MGAT4C: variants seen among roughly 807,000 people sequenced by gnomAD.
MGAT4C encodes alpha-1,3-mannosyl-glycoprotein 4-beta-N-acetylglucosaminyltransferase C.
MGAT4C carries 19 observed loss-of-function variants against 40.1 expected under a neutral mutation model. The ratio of observed to expected loss-of-function variants is 0.47; its 90% confidence interval spans 0.33 to 0.70. MGAT4C has a LOEUF of 0.70. Ranked by LOEUF, MGAT4C falls within the 30% of genes least tolerant of loss-of-function variation. The pLI is 0.02. For missense variants in MGAT4C, 491 were observed against 563.2 expected (o/e 0.87, Z 1.30); for synonymous variants, 181 against 187.1 (o/e 0.97, Z 0.27).
intron 2 of MGAT4C, among the ~76,000 whole-genome samples, chr12:86,511,810 G>A (rs1161098506): frequency 1.3e-5 from 2 of 152,080 alleles, no homozygotes; most frequent in African/African-American, 4.8e-5. Flanking sequence ...GACAAAAGTG[G>A]AAAGCTTCAT....
chr12:86,521,701 C>A (rs968048585), intron 2 of MGAT4C, among the ~76,000 whole-genome samples: 4 of 151,714 alleles, frequency 2.6e-5, no homozygotes, highest in African/African-American at 9.7e-5. Flanking sequence ...GGCAGTATGG[C>A]CATTTTAACA....
At chr12:86,213,051 A>G (rs77436932) in intron 1 of MGAT4C, among the ~76,000 whole-genome samples, 3,270 of 152,140 alleles carry the variant, frequency 0.021, 98 homozygotes, top group African/African-American at 0.073. Flanking sequence ...ATATTTCCCA[A>G]TGGAATTCAG....
chr12:85,997,749 T>A (rs566617059), intron 2 of MGAT4C, among the ~76,000 whole-genome samples: 1 of 152,308 alleles, frequency 6.6e-6, no homozygotes, highest in Admixed American at 6.5e-5. Flanking sequence ...CTTGGACAGC[T>A]CTGCCCCAAT....
intron 1 of MGAT4C, among the ~76,000 whole-genome samples, chr12:86,107,352 T>C (rs1002867766): frequency 6.6e-6 from 1 of 152,006 alleles, no homozygotes; most frequent in Non-Finnish European, 1.5e-5. Context: ...CTGAAAATCA[T>C]TGTATGTGTG....
chr12:86,346,391 A>C (rs906738377), intron 3 of MGAT4C, among the ~76,000 whole-genome samples: 2 of 151,824 alleles, frequency 1.3e-5, no homozygotes, highest in African/African-American at 4.8e-5. Flanking sequence ...TGCCCGACTA[A>C]TTTTTGTATT....
At chr12:86,720,868 G>A (rs1387908014) in intron 2 of MGAT4C, among the ~76,000 whole-genome samples, 1 of 152,140 alleles carries the variant, frequency 6.6e-6, no homozygotes, top group Non-Finnish European at 1.5e-5. Context: ...TCACATCAAA[G>A]ATACATGGTG....
At chr12:86,695,059 G>C (rs1278681403) in intron 2 of MGAT4C, among the ~76,000 whole-genome samples, 1 of 152,128 alleles carries the variant, frequency 6.6e-6, no homozygotes, top group Non-Finnish European at 1.5e-5. Context: ...AGCAGCTCAA[G>C]CAACTCTACA....
intron 2 of MGAT4C, among the ~76,000 whole-genome samples, chr12:86,576,034 AGAT>A (rs746135928): frequency 1.7e-4 from 26 of 151,958 alleles, no homozygotes; most frequent in Non-Finnish European, 3.2e-4. Flanking sequence ...AACTGGGATG[AGAT>A]GATATCTCAT....
intron 4 of MGAT4C, among the ~76,000 whole-genome samples, chr12:86,323,323 T>C (rs1954441393): frequency 6.6e-6 from 1 of 151,778 alleles, no homozygotes; most frequent in African/African-American, 2.4e-5. Flanking sequence ...CAGAGTAAAT[T>C]ATTATAATCA....
At chr12:86,813,493 A>T (rs1165403186) in intron 1 of MGAT4C, among the ~76,000 whole-genome samples, 1 of 151,778 alleles carries the variant, frequency 6.6e-6, no homozygotes, top group Non-Finnish European at 1.5e-5. Context: ...TTTCAAACAC[A>T]TTTTTTTCAT....
chr12:86,459,699 GC>G (rs958498283), intron 2 of MGAT4C, among the ~76,000 whole-genome samples: 1 of 40,324 alleles, frequency 2.5e-5, no homozygotes, highest in Non-Finnish European at 4.6e-5. Context: ...TACCCGCCCC[GC>G]CCCCCACCCA....
intron 1 of MGAT4C, among the ~76,000 whole-genome samples, chr12:86,183,658 A>T (rs768456572): frequency 6.6e-6 from 1 of 152,156 alleles, no homozygotes; most frequent in Non-Finnish European, 1.5e-5. Flanking sequence ...AAATCAAGGG[A>T]CTGGCCAATT....
intron 1 of MGAT4C, among the ~76,000 whole-genome samples, chr12:86,167,250 T>C (rs1886290781): frequency 6.6e-6 from 1 of 152,208 alleles, no homozygotes. Flanking sequence ...AACTCAATAA[T>C]CATGATAGTT....
At chr12:86,095,223 C>A (rs2135580671) in intron 1 of MGAT4C, among the ~76,000 whole-genome samples, 1 of 152,146 alleles carries the variant, frequency 6.6e-6, no homozygotes, top group South Asian at 2.1e-4. Context: ...TTCACATGAA[C>A]AATGCTTGGA....
At chr12:86,119,786 ACTC>A (rs756248668) in intron 1 of MGAT4C, among the ~76,000 whole-genome samples, 60 of 149,320 alleles carry the variant, frequency 4.0e-4, no homozygotes, top group Non-Finnish European at 8.2e-4. Context: ...CTGAACTCAA[ACTC>A]CTAAGTTTAA....
chr12:86,468,952 T>A (rs1400382114), intron 2 of MGAT4C, among the ~76,000 whole-genome samples: 2 of 152,150 alleles, frequency 1.3e-5, no homozygotes, highest in Non-Finnish European at 1.5e-5. Context: ...TAGTCTTTTT[T>A]GCTTATCTTT....
At chr12:86,048,631 A>G (rs1317033432) in intron 2 of MGAT4C, among the ~76,000 whole-genome samples, 3 of 152,072 alleles carry the variant, frequency 2.0e-5, no homozygotes, top group Non-Finnish European at 4.4e-5. Context: ...TAAATGGAAG[A>G]TATTACATTA....
intron 2 of MGAT4C, among the ~76,000 whole-genome samples, chr12:86,710,256 T>C (rs1254974476): frequency 2.0e-5 from 3 of 152,158 alleles, no homozygotes; most frequent in Non-Finnish European, 4.4e-5. Flanking sequence ...AAAGATGTAG[T>C]AAATACCCTT....
At chr12:86,180,962 G>C (rs1466619460) in intron 1 of MGAT4C, among the ~76,000 whole-genome samples, 1 of 152,138 alleles carries the variant, frequency 6.6e-6, no homozygotes, top group African/African-American at 2.4e-5. Context: ...GTTTGGCTGT[G>C]TCCCCACCCA....
Sources: gnomAD v4.1 joint callset for allele counts (sites outside exome capture counted in the v4.1 genomes callset) on GRCh38, gnomAD v4.1.1 for gene constraint, MANE v1.5 for transcripts, NCBI Gene and HGNC (gene_info 2026-07-23, HGNC 2026-07-21) for gene names.